The following NPHP4 variants were observed in gnomAD, a reference collection of about 807,000 sequenced individuals.
NPHP4 encodes nephrocystin-4.
NPHP4 carries 151 observed loss-of-function variants against 155.8 expected under a neutral mutation model. The ratio of observed to expected loss-of-function variants is 0.97; its 90% confidence interval spans 0.85 to 1.11. NPHP4 has a LOEUF of 1.11. Ranked by LOEUF, NPHP4 falls within the 50% of genes least tolerant of loss-of-function variation. The probability of loss-of-function intolerance (pLI) is 0.00; values close to 1 mark genes in which losing one functional copy is unlikely to be tolerated. For synonymous variants in NPHP4, 845 were observed against 816.8 expected (o/e 1.03, Z -0.59); for missense variants, 1,956 against 1,925.7 (o/e 1.02, Z -0.29).
Position 5,892,108 on chromosome 1 carries a change from C to A in NPHP4, c.2144-1080G>T, listed in dbSNP as rs554407847. Among the ~76,000 whole-genome samples the A allele has an allele frequency of 3.9e-5, 6 of 152,170 alleles. No individual in the cohort carries two copies. Among genetic ancestry groups the A allele is most frequent in the African/African-American group, 1.2e-4 (5 of 41,446 alleles). On this transcript the variant is annotated intron_variant, in intron 16 of 29. Coordinates refer to ENST00000378156, the MANE Select transcript of NPHP4 (RefSeq NM_015102.5). The surrounding 1 kb of genome is among the most constrained non-coding windows in gnomAD (Gnocchi z 4.5). ...AAGGAGGAGCTGGTGATTAACATCA[C>A]GCAAGGGCAGGCATGTCCCCAGTGT... is the stretch of plus-strand genomic sequence containing the variant.
chr1:5,949,747 C>T (rs1647587287), intron 7 of NPHP4, among the ~76,000 whole-genome samples: 1 of 152,084 alleles, frequency 6.6e-6, no homozygotes, highest in African/African-American at 2.4e-5. Flanking sequence ...AGGACCCATG[C>T]AGGGACAAGC....
chr1:5,956,069 G>T lies in NPHP4; in HGVS notation c.674-3233C>A, dbSNP rs550905817. ...AATGTTTCAAAAAGCTGGGGGGGGGGGGTGCAGGGAGGGATGACATAAACT... is the reference window on the plus strand; with the variant it reads ...AATGTTTCAAAAAGCTGGGGGGGGGTGGTGCAGGGAGGGATGACATAAACT... On this transcript the variant is annotated intron_variant, in intron 6 of 29. Coordinates refer to ENST00000378156, the MANE Select transcript of NPHP4 (RefSeq NM_015102.5). 4.0e-3 allele frequency among the ~76,000 whole-genome samples: 603 copies of T among 150,164 alleles called. 4 individuals are homozygous for T. The highest frequency in any genetic ancestry group is 0.014 in the African/African-American group (572 of 41,038).
In NPHP4 at chr1:5,885,882, A is replaced by C. The variant is rs534187915; in HGVS notation, c.2485+1404T>G. On this transcript the variant is annotated intron_variant, in intron 18 of 29. Coordinates refer to ENST00000378156, the MANE Select transcript of NPHP4 (RefSeq NM_015102.5). ...AGCCAGGCTCGCTGCACTGATGCGC[A>C]GAGTGCTGCGGGTGGATTCGACCTT... Among the ~76,000 whole-genome samples, 3 of 152,360 alleles carry C rather than the reference A, an allele frequency of 2.0e-5. No homozygotes were observed. The South Asian group carries it at 6.2e-4, about 32-fold the overall frequency.
chr1:5,944,351 T>G lies in NPHP4; in HGVS notation c.1119+2753A>C, dbSNP rs144269250. Among the ~76,000 whole-genome samples the G allele has an allele frequency of 6.6e-6, 1 of 152,216 alleles. No homozygotes were observed. Among genetic ancestry groups the G allele is most frequent in the Admixed American group, 6.5e-5 (1 of 15,282 alleles). Reference sequence around the variant, plus strand: ...AGAAGGCTGCTCTGGGAGACACTGCTGCAGACGGGGTGGCTGAGGTGGGAG... The same window carrying G: ...AGAAGGCTGCTCTGGGAGACACTGCGGCAGACGGGGTGGCTGAGGTGGGAG... On this transcript the variant is annotated intron_variant, in intron 9 of 29. Transcript: ENST00000378156. The surrounding 1 kb of genome is among the most constrained non-coding windows in gnomAD (Gnocchi z 4.3).
intron 20 of NPHP4, 192 bp downstream of exon 20, chr1:5,876,901 T>C: frequency 2.4e-6 from 1 of 425,516 alleles, no homozygotes; most frequent in Non-Finnish European, 4.2e-6. Context: ...CTGGCTTTTA[T>C]TAAAAGCTCT....
At position 5,867,649 on chromosome 1, in the gene NPHP4, A is replaced by T; in HGVS notation, c.3472+91T>A. 1 of 1,351,690 alleles carries T rather than the reference A, an allele frequency of 7.4e-7. No individual in the cohort carries two copies. 83.7% of individuals were successfully genotyped at this position (1,351,690 alleles called of 1,614,324 possible). ...CTGCTCTGACAGCACCAGGGCATGA[A>T]GCCATGAGGCCATCTGTCACCCTCA... is the stretch of plus-strand genomic sequence containing the variant. On this transcript the variant is annotated intron_variant, in intron 24 of 29. Coordinates refer to ENST00000378156, the MANE Select transcript of NPHP4 (RefSeq NM_015102.5). The surrounding 1 kb of genome is among the most constrained non-coding windows in gnomAD (Gnocchi z 4.1).
chr1:5,990,034 G>A, intron 1 of NPHP4, among the ~76,000 whole-genome samples: 1 of 152,216 alleles, frequency 6.6e-6, no homozygotes, highest in East Asian at 1.9e-4. Context: ...GACTCTGCAG[G>A]TGGGAGCCCA....
intron 6 of NPHP4, 35 bp downstream of exon 6, chr1:5,961,759 C>A (rs1422924071): frequency 6.3e-7 from 1 of 1,593,892 alleles, no homozygotes; most frequent in Admixed American, 1.7e-5. Flanking sequence ...GACAGACTCA[C>A]CTCACCAAGT....
intron 18 of NPHP4, 66 bp from the exon 19 acceptor site, chr1:5,880,305 CCA>C: frequency 6.4e-7 from 1 of 1,559,342 alleles, no homozygotes; most frequent in Non-Finnish European, 8.8e-7. Flanking sequence ...ACAGATCAAC[CCA>C]CCACATAAGC....
At chr1:5,960,160 A>G (rs1054726904) in intron 6 of NPHP4, among the ~76,000 whole-genome samples, 2 of 152,202 alleles carry the variant, frequency 1.3e-5, no homozygotes, top group Non-Finnish European at 2.9e-5. Flanking sequence ...TTGCAGGCAG[A>G]TTACAGGGTA....
chr1:5,951,438 G>A (rs986638312), intron 7 of NPHP4, among the ~76,000 whole-genome samples: 3 of 152,252 alleles, frequency 2.0e-5, no homozygotes, highest in Non-Finnish European at 2.9e-5. Context: ...GGGGGAACAA[G>A]GAGTGGTTTG....
chr1:5,985,330 T>A (rs1655311681), intron 2 of NPHP4, among the ~76,000 whole-genome samples: 1 of 152,242 alleles, frequency 6.6e-6, no homozygotes, highest in Non-Finnish European at 1.5e-5. Context: ...TCCAATCGTG[T>A]GGGTGTCCCG....
chr1:5,875,078 T>A lies in NPHP4; in HGVS notation c.2840A>T (p.Gln947Leu). Residue 947 changes from glutamine to leucine, a missense_variant, in exon 21 of 30, where the codon CAG becomes CTG. Coordinates refer to ENST00000378156, the MANE Select transcript of NPHP4 (RefSeq NM_015102.5). Reference sequence around the variant, plus strand: ...GATGACCTGTAGGTCCCGCAAGTGCTGTGTGCGGACGCTCTGCTGCGCCTG... The same window carrying A: ...GATGACCTGTAGGTCCCGCAAGTGCAGTGTGCGGACGCTCTGCTGCGCCTG... ...SVLAQQSVRTQHLRDLQVIAA... is the reference protein window; with the variant it reads ...SVLAQQSVRTLHLRDLQVIAA... 6.2e-7 allele frequency: 1 copy of A among 1,606,108 alleles called. No individual in the cohort carries two copies. The highest frequency in any genetic ancestry group is 8.5e-7 in the Non-Finnish European group (1 of 1,179,494).
In NPHP4 at chr1:5,891,005, A is replaced by G. The variant is rs1377183089; in HGVS notation, c.2167T>C (p.Tyr723His). The G allele has an allele frequency of 6.4e-7, 1 of 1,562,250 alleles. No homozygotes were observed. Among genetic ancestry groups the G allele is most frequent in the South Asian group, 1.2e-5 (1 of 86,848 alleles). The change falls in exon 17 of 30, where the codon TAC (tyrosine) becomes CAC (histidine). Residue 723 changes from tyrosine (Y) to histidine (H), a missense_variant. By Grantham distance (83) the Tyr-to-His change is moderately conservative. Transcript: ENST00000378156. ...TTCAGGAACCCAGGGCCCACCATGT[A>G]CCTCAGCTGGAAGCCAGGAGACCCT... ...DAGSPGFQLR[Y>H]MVGPGFLKPG... is the part of the protein sequence containing the mutation.
chr1:5,966,520 T>G (rs529661325), intron 5 of NPHP4, among the ~76,000 whole-genome samples: 5 of 152,276 alleles, frequency 3.3e-5, no homozygotes, highest in African/African-American at 1.2e-4. Flanking sequence ...GTGCTGAGAT[T>G]ACAAGCCTGA....
intron 23 of NPHP4, chr1:5,868,214 C>T (rs532832941): frequency 3.7e-5 from 16 of 427,708 alleles, no homozygotes; most frequent in African/African-American, 2.6e-4. Context: ...CAAGTCAAAA[C>T]TACTCCTGCC....
At chr1:5,923,255 C>A (rs746733464) in intron 11 of NPHP4, among the ~76,000 whole-genome samples, 1 of 152,196 alleles carries the variant, frequency 6.6e-6, no homozygotes, top group African/African-American at 2.4e-5. Flanking sequence ...AGAAGAGTAA[C>A]AGTGATCAGA....
At position 5,875,012 on chromosome 1, in the gene NPHP4, C is replaced by T. The variant is rs770493717; in HGVS notation, c.2906G>A (p.Ser969Asn). 9 of 1,611,496 alleles carry T rather than the reference C, an allele frequency of 5.6e-6. No individual in the cohort carries two copies. Among genetic ancestry groups the T allele is most frequent in the Non-Finnish European group, 7.6e-6 (9 of 1,179,872 alleles). The change falls in exon 21 of 30, where the codon AGC (serine) becomes AAC (asparagine). Residue 969 changes from serine to asparagine, a missense_variant. Coordinates refer to ENST00000378156, the MANE Select transcript of NPHP4 (RefSeq NM_015102.5). ...CGTGGTGATGGCCAGGCTCAGCAGG[C>T]TGGCGATGCTCTCGGCCTTCGTGCG... Reference protein sequence around the residue: ...RERTKAESIASLLSLAITTEH... With the variant: ...RERTKAESIANLLSLAITTEH...
rs34265978 is a variant in NPHP4 at position 5,874,882 on chromosome 1, G to C, written c.3036C>G (p.Pro1012=). 1.2e-6 allele frequency: 2 copies of C among 1,613,626 alleles called. No homozygotes were observed. Among genetic ancestry groups the C allele is most frequent in the Admixed American group, 1.7e-5 (1 of 60,026 alleles). Residue 1012 remains proline (P), a synonymous_variant, in exon 21 of 30, where the codon CCC becomes CCG. Coordinates refer to ENST00000378156, the MANE Select transcript of NPHP4 (RefSeq NM_015102.5). Reference sequence around the variant, plus strand: ...CACCACTGAGACCTCACCTGAGCTCGGGGTTGTCGATCTCCACAGTCACCG... The same window carrying C: ...CACCACTGAGACCTCACCTGAGCTCCGGGTTGTCGATCTCCACAGTCACCG... The part of the protein sequence containing the change: ...QHTVTVEIDN[P]ELSVIVDSQE...
Sources: allele counts gnomAD v4.1 joint callset (sites outside exome capture counted in the v4.1 genomes callset), GRCh38; gene constraint gnomAD v4.1.1; non-coding constraint Gnocchi (gnomAD v3.1); transcripts MANE v1.5; gene names NCBI Gene and HGNC (gene_info 2026-07-23, HGNC 2026-07-21).